The following NEMF variants were observed in gnomAD, a reference collection of about 807,000 sequenced individuals.
NEMF encodes the protein ribosome quality control complex subunit NEMF.
Under a neutral mutation model 162.2 loss-of-function variants are expected in NEMF, and 89 were observed. The ratio of observed to expected loss-of-function variants is 0.55; its 90% CI spans 0.46 to 0.65. The LOEUF (loss-of-function observed/expected upper bound fraction) is 0.65, where lower values mean the gene tolerates loss of function less well. Ranked by LOEUF, NEMF falls within the 30% of genes least tolerant of loss-of-function variation. The pLI is 0.00. For synonymous variants in NEMF, 421 were observed against 404.5 expected (o/e 1.04, Z -0.49); for missense variants, 1,133 against 1,261.9 (o/e 0.90, Z 1.55).
chr14:49,795,144 A>G (rs1213609980), intron 26 of NEMF, among the ~76,000 whole-genome samples: 1 of 152,030 alleles, frequency 6.6e-6, no homozygotes, highest in Non-Finnish European at 1.5e-5. Flanking sequence ...AGACCAGCCC[A>G]GACAATATAG....
At position 49,782,794 on chromosome 14, in the gene NEMF, G is replaced by C; in HGVS notation, c.*1842C>G. 6.2e-7 allele frequency: 1 copy of C among 1,600,572 alleles called. No homozygotes were observed. The highest frequency in any genetic ancestry group is 8.5e-7 in the Non-Finnish European group (1 of 1,174,724). ...AGTGAATGTACTTCCAAACAGTAAAGTGAAATTACTTTTCTCTTTCCTTGT... is the reference window on the plus strand; with the variant it reads ...AGTGAATGTACTTCCAAACAGTAAACTGAAATTACTTTTCTCTTTCCTTGT... On this transcript the variant is annotated 3_prime_UTR_variant, in exon 33 of 33. Transcript: ENST00000298310.
At chr14:49,784,759 A>G (rs1594712829) in intron 32 of NEMF, 46 bp from the exon 33 acceptor site, 2 of 1,525,184 alleles carry the variant, frequency 1.3e-6, no homozygotes, top group East Asian at 2.3e-5. Context: ...TGTATGGTCA[A>G]TCATGTTTCT....
At position 49,785,298 on chromosome 14, in the gene NEMF, G is replaced by A. The variant is rs1890115371; in HGVS notation, c.2951C>T (p.Thr984Ile). 10 of 1,613,816 alleles carry A rather than the reference G, an allele frequency of 6.2e-6. No individual in the cohort carries two copies. The highest frequency in any genetic ancestry group is 8.5e-6 in the Non-Finnish European group (10 of 1,179,772). ...TACATCTTCAGGATGTGGCTGGCCT[G>A]TCAAAGAATCAAATAGGTTTTCCTA... Reference protein sequence around the residue: ...GNEENLFDSLTGQPHPEDVLL... With the variant: ...GNEENLFDSLIGQPHPEDVLL... Residue 984 changes from threonine (T) to isoleucine (I), a missense_variant, in exon 30 of 33, where the codon ACA becomes ATA. This residue lies in a region of NEMF where 532 missense variants were observed against 578.6 expected (regional missense o/e 0.92). Coordinates refer to ENST00000298310, the MANE Select transcript of NEMF (RefSeq NM_004713.6).
At chr14:49,837,503 T>A (rs1356091690) in intron 6 of NEMF, among the ~76,000 whole-genome samples, 3 of 151,680 alleles carry the variant, frequency 2.0e-5, no homozygotes, top group Admixed American at 2.0e-4. Context: ...ACAAAAAAAA[T>A]AAATTAAAAA....
At position 49,789,494 on chromosome 14, in the gene NEMF, AC is replaced by A; in HGVS notation, c.2697+1del. On this transcript the variant is annotated splice_donor_variant, in intron 27 of 32. Coordinates refer to ENST00000298310, the MANE Select transcript of NEMF (RefSeq NM_004713.6). LOFTEE classifies it high-confidence loss of function. ...GAAAAAATGTTTTTAGATGTTATTT[AC>A]CCCCAGCAACTTCATGATAAGTTCA... The A allele has an allele frequency of 6.2e-7, 1 of 1,611,386 alleles. No homozygotes were observed. Among genetic ancestry groups the A allele is most frequent in the Non-Finnish European group, 8.5e-7 (1 of 1,179,440 alleles).
At chr14:49,796,231 A>C (rs1411510976) in intron 25 of NEMF, 1 of 506,268 alleles carries the variant, frequency 2.0e-6, no homozygotes, top group Non-Finnish European at 3.8e-6. Context: ...GCCCCTGATC[A>C]CCTTGATGGC....
intron 18 of NEMF, among the ~76,000 whole-genome samples, chr14:49,807,883 C>T (rs1239034920): frequency 6.6e-6 from 1 of 152,024 alleles, no homozygotes; most frequent in African/African-American, 2.4e-5. Flanking sequence ...GGATTACATG[C>T]ATGAGCCACA....
At chr14:49,792,591 A>T (rs2139834912) in intron 26 of NEMF, among the ~76,000 whole-genome samples, 1 of 152,358 alleles carries the variant, frequency 6.6e-6, no homozygotes, top group South Asian at 2.1e-4. Flanking sequence ...AACTGGTATA[A>T]TGTAAACACA....
chr14:49,794,932 G>C (rs982644216), intron 26 of NEMF, among the ~76,000 whole-genome samples: 1 of 151,734 alleles, frequency 6.6e-6, no homozygotes, highest in African/African-American at 2.4e-5. Context: ...TGGATAGGCT[G>C]GTCTTGAACT....
intron 4 of NEMF, among the ~76,000 whole-genome samples, chr14:49,842,141 T>C (rs1459658698): frequency 4.2e-5 from 1 of 23,816 alleles, no homozygotes; most frequent in African/African-American, 8.0e-5. Context: ...TTATCTACAA[T>C]AGAAAAAAAA....
intron 3 of NEMF, among the ~76,000 whole-genome samples, chr14:49,849,236 A>G (rs1195285219): frequency 2.0e-5 from 3 of 152,228 alleles, no homozygotes; most frequent in African/African-American, 7.2e-5. Flanking sequence ...TAATAATTTT[A>G]TTCAAGAAAA....
rs1892480777 is a variant in NEMF at position 49,828,611 on chromosome 14, C to T, written c.1424+5G>A. On this transcript the variant is annotated splice_donor_5th_base_variant and intron_variant, in intron 14 of 32. Transcript: ENST00000298310. ...TGGCCTAAAATGTAAAGTTAAATGA[C>T]TTACTTTTTGGCATTGGCATATGCT... 6.5e-7 allele frequency: 1 copy of T among 1,538,396 alleles called. No homozygotes were observed. Among genetic ancestry groups the T allele is most frequent in the Non-Finnish European group, 8.7e-7 (1 of 1,149,948 alleles).
chr14:49,802,495 T>A lies in NEMF; in HGVS notation c.2053A>T (p.Ser685Cys). The A allele has an allele frequency of 6.2e-7, 1 of 1,613,992 alleles. No homozygotes were observed. Among genetic ancestry groups the A allele is most frequent in the Non-Finnish European group, 8.5e-7 (1 of 1,179,906 alleles). The change falls in exon 22 of 33, where the codon AGT becomes TGT. Residue 685 changes from serine (S) to cysteine (C), a missense_variant. By Grantham distance (112) the Ser-to-Cys change is moderately radical. This residue lies in a region of NEMF where 532 missense variants were observed against 578.6 expected (regional missense o/e 0.92). Coordinates refer to ENST00000298310, the MANE Select transcript of NEMF (RefSeq NM_004713.6). ...VQDEDMETLASCTSELISEEM... is the reference protein window; with the variant it reads ...VQDEDMETLACCTSELISEEM... ...TCTGATATGAGTTCACTTGTACAACTTGCCAGTGTCTCCATGTCTTCATCC... is the reference window on the plus strand; with the variant it reads ...TCTGATATGAGTTCACTTGTACAACATGCCAGTGTCTCCATGTCTTCATCC...
intron 10 of NEMF, 28 bp from the exon 11 acceptor site, chr14:49,831,389 G>GA (rs753109809): frequency 6.8e-5 from 95 of 1,391,208 alleles, no homozygotes; most frequent in East Asian, 2.1e-4. Flanking sequence ...CAACTAGTTG[G>GA]AAAAAAAAGC....
At chr14:49,834,649 A>G (rs2139987525) in intron 6 of NEMF, among the ~76,000 whole-genome samples, 200 bp from the exon 7 acceptor site, 1 of 152,076 alleles carries the variant, frequency 6.6e-6, no homozygotes, top group African/African-American at 2.4e-5. Context: ...TGCCCAGCTA[A>G]TTTTTGTATT....
intron 23 of NEMF, 34 bp downstream of exon 23, chr14:49,800,386 C>A: frequency 6.8e-7 from 1 of 1,468,074 alleles, no homozygotes. Flanking sequence ...TCTCAGCTTA[C>A]ACAATAATAT....
rs75081986 is a variant in NEMF at position 49,795,809 on chromosome 14, T to A, written c.2601A>T (p.Pro867=). Residue 867 remains proline, a synonymous_variant, in exon 26 of 33, where the codon CCA becomes CCT. Coordinates refer to ENST00000298310, the MANE Select transcript of NEMF (RefSeq NM_004713.6). The part of the protein sequence containing the change: ...NTSKNVAAVQ[P]MKRGQKSKMK... ...AGTTTACCTTTTGTCCTCGTTTCAT[T>A]GGCTGCACAGCCGCAACATTTTTGC... 39 of 1,611,538 alleles carry A rather than the reference T, an allele frequency of 2.4e-5. No individual in the cohort carries two copies. The East Asian group carries it at 8.7e-4, about 36-fold the overall frequency.
chr14:49,827,639 C>A (rs1892424017), intron 15 of NEMF, among the ~76,000 whole-genome samples: 1 of 152,038 alleles, frequency 6.6e-6, no homozygotes, highest in Admixed American at 6.6e-5. Context: ...ATGGTGAAAC[C>A]CTGTCTCTAC....
intron 16 of NEMF, among the ~76,000 whole-genome samples, chr14:49,825,610 C>T (rs1458441071): frequency 6.6e-6 from 1 of 152,140 alleles, no homozygotes; most frequent in Non-Finnish European, 1.5e-5. Flanking sequence ...GTGGCATGTG[C>T]CTGTAGTCTC....
Sources: allele counts gnomAD v4.1 joint callset (sites outside exome capture counted in the v4.1 genomes callset), GRCh38; gene constraint gnomAD v4.1.1; regional missense constraint gnomAD v4.1.1; transcripts MANE v1.5; gene names NCBI Gene and HGNC (gene_info 2026-07-23, HGNC 2026-07-21).